Variants in MINDY3 observed in about 807,000 individuals in gnomAD.
The protein encoded by MINDY3 is ubiquitin carboxyl-terminal hydrolase MINDY-3.
In MINDY3, 38 loss-of-function variants were observed where a neutral mutation model predicts 69.2. The observed-to-expected ratio is 0.55, with a 90% CI of 0.42 to 0.72. The LOEUF is 0.72. Ranked by LOEUF, MINDY3 falls within the 30% of genes least tolerant of loss-of-function variation. The pLI, the probability that MINDY3 is intolerant of heterozygous loss-of-function variation, is 0.00. For missense variants in MINDY3, 522 were observed against 519.0 expected (o/e 1.01, Z -0.06); for synonymous variants, 192 against 180.1 (o/e 1.07, Z -0.53).
intron 10 of MINDY3, among the ~76,000 whole-genome samples, chr10:15,802,435 G>C (rs1838331514): frequency 6.6e-6 from 1 of 151,990 alleles, no homozygotes; most frequent in South Asian, 2.1e-4. Context: ...AGCATGCAGG[G>C]GAAGCACCAG....
At chr10:15,787,285 G>C (rs1212189317) in intron 12 of MINDY3, among the ~76,000 whole-genome samples, 1 of 152,144 alleles carries the variant, frequency 6.6e-6, no homozygotes, top group Non-Finnish European at 1.5e-5. Context: ...GTGTACCAAG[G>C]CTGGTGACAG....
chr10:15,816,257 T>A (rs1312818693), intron 10 of MINDY3, among the ~76,000 whole-genome samples: 2 of 84,400 alleles, frequency 2.4e-5, no homozygotes, highest in African/African-American at 5.9e-5. Flanking sequence ...TGAGACTCCA[T>A]CTCAAAAAAA....
At chr10:15,837,469 G>A in intron 5 of MINDY3, 151 bp from the exon 6 acceptor site, 4 of 1,329,244 alleles carry the variant, frequency 3.0e-6, no homozygotes, top group Non-Finnish European at 1.0e-6. Context: ...TACAAATTTA[G>A]CCACTAAAAC....
intron 4 of MINDY3, among the ~76,000 whole-genome samples, chr10:15,840,051 G>A (rs1833354971): frequency 1.3e-5 from 2 of 151,632 alleles, no homozygotes; most frequent in South Asian, 4.1e-4. Flanking sequence ...AATGGAAAAT[G>A]TTATATAAAA....
At chr10:15,827,624 A>G (rs116703990) in intron 8 of MINDY3, among the ~76,000 whole-genome samples, 2,608 of 152,230 alleles carry the variant, frequency 0.017, 55 homozygotes, top group African/African-American at 0.057. Context: ...AACAAGAAAG[A>G]GAAGGCTGGG....
At position 15,847,290 on chromosome 10, in the gene MINDY3, A is replaced by G. The variant is rs181066207; in HGVS notation, c.174+574T>C. Reference sequence around the variant, plus strand: ...TGTAACATACCAAGATTCCAAATCAAATAAAGACATTCCGATAAATCCTAT... The same window carrying G: ...TGTAACATACCAAGATTCCAAATCAGATAAAGACATTCCGATAAATCCTAT... On this transcript the variant is annotated intron_variant, in intron 2 of 14. Coordinates refer to ENST00000277632, the MANE Select transcript of MINDY3 (RefSeq NM_024948.4). Among the ~76,000 whole-genome samples, 95 of 152,376 alleles carry G rather than the reference A, an allele frequency of 6.2e-4. 2 individuals carry two copies. The highest frequency in any genetic ancestry group is 4.6e-3 in the Admixed American group (70 of 15,310).
chr10:15,811,385 T>G (rs1033681499), intron 10 of MINDY3, among the ~76,000 whole-genome samples: 6 of 152,128 alleles, frequency 3.9e-5, no homozygotes, highest in African/African-American at 1.4e-4. Context: ...AAAAATTTAC[T>G]TACAAAATTT....
intron 6 of MINDY3, among the ~76,000 whole-genome samples, chr10:15,836,902 C>G (rs965882303): frequency 6.6e-5 from 10 of 151,406 alleles, no homozygotes; most frequent in African/African-American, 1.9e-4. Flanking sequence ...AAACAGCTTC[C>G]AGAAGGGGTT....
intron 9 of MINDY3, among the ~76,000 whole-genome samples, chr10:15,820,006 A>G (rs1345373176): frequency 6.6e-6 from 1 of 152,204 alleles, no homozygotes; most frequent in Admixed American, 6.5e-5. Flanking sequence ...CTGGCACTTA[A>G]TATGTACCTA....
chr10:15,860,058 G>A (rs1588674390), intron 1 of MINDY3, 148 bp downstream of exon 1: 4 of 638,890 alleles, frequency 6.3e-6, no homozygotes, highest in East Asian at 5.5e-5. Context: ...AAGGCAGGGC[G>A]TGTCTAGAAA....
At chr10:15,779,243 A>T in intron 14 of MINDY3, 102 bp from the exon 15 acceptor site, 1 of 914,010 alleles carries the variant, frequency 1.1e-6, no homozygotes, top group South Asian at 3.0e-5. Flanking sequence ...GGTATTACAT[A>T]GTTTCAGATG....
intron 10 of MINDY3, among the ~76,000 whole-genome samples, chr10:15,816,408 T>TGAATTATTAATTGAATGAATTG (rs1377936566): frequency 6.6e-6 from 1 of 152,074 alleles, no homozygotes; most frequent in Non-Finnish European, 1.5e-5. Flanking sequence ...CATTTGACTT[T>TGAATTATTAATTGAATGAATTG]AATACCATTG....
intron 10 of MINDY3, among the ~76,000 whole-genome samples, chr10:15,804,320 C>T (rs994191287): frequency 6.6e-6 from 1 of 151,950 alleles, no homozygotes; most frequent in Non-Finnish European, 1.5e-5. Context: ...TTTCACGTAG[C>T]TCTGTATTAT....
At chr10:15,792,517 G>A (rs1837497634) in intron 11 of MINDY3, among the ~76,000 whole-genome samples, 1 of 152,046 alleles carries the variant, frequency 6.6e-6, no homozygotes, top group Non-Finnish European at 1.5e-5. Context: ...GCCACAGCAA[G>A]GGCACAGGGA....
intron 14 of MINDY3, among the ~76,000 whole-genome samples, chr10:15,779,555 A>G (rs1333985897): frequency 1.3e-5 from 2 of 152,170 alleles, no homozygotes; most frequent in African/African-American, 4.8e-5. Flanking sequence ...ACGGAGAGCT[A>G]TAAAAGGAAT....
In MINDY3 at chr10:15,837,197, A is replaced by C. The variant is rs767767324; in HGVS notation, c.576+7T>G. The C allele has an allele frequency of 1.5e-5, 22 of 1,515,610 alleles. 1 individual carries two copies. In the East Asian group the frequency reaches 4.8e-4, roughly 33 times the overall value. The allele number at this position is 1,515,610 out of a possible 1,614,324, so 93.9% of individuals were successfully genotyped here. On this transcript the variant is annotated splice_region_variant and intron_variant, in intron 6 of 14. Coordinates refer to ENST00000277632, the MANE Select transcript of MINDY3 (RefSeq NM_024948.4). The stretch of plus-strand genomic sequence containing the variant: ...CAAAGGCAGAAAAATCATCTTCTTG[A>C]ACACACCTTTGTCAGTAATACAGAA...
At chr10:15,849,197 G>A (rs1189896323) in intron 1 of MINDY3, among the ~76,000 whole-genome samples, 1 of 152,140 alleles carries the variant, frequency 6.6e-6, no homozygotes, top group Admixed American at 6.5e-5. Context: ...TTGCCAGAGA[G>A]GCAAAGGTGA....
chr10:15,801,917 G>C (rs1824893876), intron 10 of MINDY3, among the ~76,000 whole-genome samples: 2 of 151,862 alleles, frequency 1.3e-5, no homozygotes, highest in Admixed American at 1.3e-4. Flanking sequence ...AATAACAGAA[G>C]ATGGCTTGAT....
intron 8 of MINDY3, among the ~76,000 whole-genome samples, chr10:15,829,814 G>C (rs1429459052): frequency 1.3e-5 from 2 of 152,200 alleles, no homozygotes; most frequent in African/African-American, 2.4e-5. Flanking sequence ...GCTTGCGCTA[G>C]GCAGCATATA....
Sources: allele counts gnomAD v4.1 joint callset (sites outside exome capture counted in the v4.1 genomes callset), GRCh38; gene constraint gnomAD v4.1.1; transcripts MANE v1.5; gene names NCBI Gene and HGNC (gene_info 2026-07-23, HGNC 2026-07-21).